Variants in PTPRD observed in about 807,000 individuals in gnomAD.
PTPRD encodes protein tyrosine phosphatase receptor type D, also known as receptor-type tyrosine-protein phosphatase delta.
A neutral mutation model predicts 214.5 loss-of-function variants in PTPRD; 34 were observed. The ratio of observed to expected loss-of-function variants is 0.16; its 90% confidence interval spans 0.12 to 0.21. The LOEUF (loss-of-function observed/expected upper bound fraction) is 0.21. Ranked by LOEUF, PTPRD falls within the 10% of genes least tolerant of loss-of-function variation. PTPRD has a pLI of 1.00. For synonymous variants in PTPRD, 1,128 were observed against 845.7 expected, an observed-to-expected ratio of 1.33 and a Z score of -5.79; for missense variants, 2,545 against 2,398.7, an observed-to-expected ratio of 1.06 and a Z score of -1.27.
At position 9,283,986 on chromosome 9, in the gene PTPRD, T is replaced by C. The variant is rs144625940; in HGVS notation, c.-202-100623A>G. Among the ~76,000 whole-genome samples the C allele has an allele frequency of 8.4e-4, 127 of 151,800 alleles. No individual in the cohort carries two copies. In the East Asian group the frequency reaches 0.019, roughly 22 times the overall value. On this transcript the variant is annotated intron_variant, in intron 9 of 45. Coordinates refer to ENST00000381196, the MANE Select transcript of PTPRD (RefSeq NM_002839.4). The stretch of plus-strand genomic sequence containing the variant: ...CAACCAGGTTTTGCATCTGGAAAAA[T>C]AACTCAACCACGTTATAATCTTCCT...
rs376451904 is a variant in PTPRD, at chr9:8,317,986, G to A, written c.5671-44C>T. The A allele has an allele frequency of 3.1e-5, 47 of 1,520,690 alleles. No homozygotes were observed. The African/African-American group carries it at 5.7e-4, about 18-fold the overall frequency. 94.2% of individuals were successfully genotyped at this position (1,520,690 alleles called of 1,614,324 possible). On this transcript the variant is annotated intron_variant, in intron 45 of 45. Transcript: ENST00000381196. Reference sequence around the variant, plus strand: ...GGGGAGAAGCAAAAGAAGGGACCATGAGCATATTTTAATAGAAAAATAAAA... The same window carrying A: ...GGGGAGAAGCAAAAGAAGGGACCATAAGCATATTTTAATAGAAAAATAAAA...
At chr9:9,341,919 C>T (rs2046960418) in intron 9 of PTPRD, among the ~76,000 whole-genome samples, 1 of 152,130 alleles carries the variant, frequency 6.6e-6, no homozygotes, top group Non-Finnish European at 1.5e-5. Context: ...AGTGATTCTC[C>T]TGCCTCAGCC....
intron 8 of PTPRD, among the ~76,000 whole-genome samples, chr9:9,537,220 A>G (rs558996478): frequency 6.6e-6 from 1 of 152,058 alleles, no homozygotes; most frequent in Non-Finnish European, 1.5e-5. Context: ...GGTGTATGAT[A>G]TAAATAAGAT....
At chr9:9,956,034 C>T (rs1482674260) in intron 4 of PTPRD, among the ~76,000 whole-genome samples, 1 of 151,946 alleles carries the variant, frequency 6.6e-6, no homozygotes, top group Admixed American at 6.6e-5. Flanking sequence ...GCAAATGTAC[C>T]AACCCACTAA....
chr9:9,138,502 T>C (rs1203180322), intron 10 of PTPRD, among the ~76,000 whole-genome samples: 1 of 152,192 alleles, frequency 6.6e-6, no homozygotes, highest in Non-Finnish European at 1.5e-5. Flanking sequence ...AATATGCTTC[T>C]GTAATTATTT....
At chr9:10,567,286 T>C (rs1298846015) in intron 2 of PTPRD, among the ~76,000 whole-genome samples, 3 of 152,134 alleles carry the variant, frequency 2.0e-5, no homozygotes, top group Admixed American at 2.0e-4. Context: ...ATGAAATACT[T>C]CTTAATGTGT....
intron 5 of PTPRD, among the ~76,000 whole-genome samples, chr9:9,789,953 T>A (rs368702790): frequency 3.9e-5 from 6 of 152,282 alleles, no homozygotes; most frequent in African/African-American, 1.4e-4. Flanking sequence ...AAACAGAGGT[T>A]AATCATTTGA....
chr9:8,911,952 C>G (rs932509310), intron 11 of PTPRD, among the ~76,000 whole-genome samples: 1 of 152,058 alleles, frequency 6.6e-6, no homozygotes, highest in African/African-American at 2.4e-5. Flanking sequence ...AACTGCAATG[C>G]GATACAACCC....
intron 2 of PTPRD, among the ~76,000 whole-genome samples, chr9:10,603,750 C>T (rs1433147807): frequency 6.6e-6 from 1 of 151,732 alleles, no homozygotes; most frequent in East Asian, 1.9e-4. Flanking sequence ...CTCAAGAACT[C>T]ATGAGGCAGT....
intron 2 of PTPRD, among the ~76,000 whole-genome samples, chr9:10,498,652 A>G (rs1008448973): frequency 6.6e-6 from 1 of 151,952 alleles, no homozygotes; most frequent in Non-Finnish European, 1.5e-5. Context: ...GAGACACAAA[A>G]AAAAGGTAAG....
chr9:8,968,995 T>C (rs1366070857), intron 11 of PTPRD, among the ~76,000 whole-genome samples: 1 of 152,020 alleles, frequency 6.6e-6, no homozygotes, highest in African/African-American at 2.4e-5. Flanking sequence ...AATTAGATTA[T>C]TAAGCAAGTC....
At chr9:8,787,118 G>C (rs999758733) in intron 11 of PTPRD, among the ~76,000 whole-genome samples, 7 of 152,088 alleles carry the variant, frequency 4.6e-5, no homozygotes, top group Admixed American at 2.6e-4. Context: ...TTACAGACAT[G>C]AGCCACTACG....
At chr9:10,211,418 C>T (rs1343027033) in intron 3 of PTPRD, among the ~76,000 whole-genome samples, 1 of 152,072 alleles carries the variant, frequency 6.6e-6, no homozygotes, top group African/African-American at 2.4e-5. Context: ...TAGATGGTCA[C>T]CTTGCACTAA....
intron 2 of PTPRD, among the ~76,000 whole-genome samples, chr9:10,465,096 G>A (rs2098984532): frequency 6.6e-6 from 1 of 152,106 alleles, no homozygotes; most frequent in South Asian, 2.1e-4. Flanking sequence ...AGAAAACACT[G>A]AGTGCCTTGG....
chr9:8,745,738 G>T (rs150974563), intron 11 of PTPRD, among the ~76,000 whole-genome samples: 1 of 151,832 alleles, frequency 6.6e-6, no homozygotes, highest in Non-Finnish European at 1.5e-5. Context: ...ACCACCTTAA[G>T]GTATACCTAT....
chr9:9,361,933 T>A (rs1159780263), intron 9 of PTPRD, among the ~76,000 whole-genome samples: 1 of 151,084 alleles, frequency 6.6e-6, no homozygotes, highest in African/African-American at 2.4e-5. Context: ...CCTGGGGTTT[T>A]TCTCATATAT....
At chr9:10,218,579 A>G (rs2099552054) in intron 3 of PTPRD, among the ~76,000 whole-genome samples, 1 of 151,886 alleles carries the variant, frequency 6.6e-6, no homozygotes, top group South Asian at 2.1e-4. Flanking sequence ...TCTAAGAGAT[A>G]CAGTGTATAC....
In PTPRD at chr9:10,046,531, CA is replaced by C. The variant is rs1361151890; in HGVS notation, c.-544-12742del. ...TCTAGGCACATGTCACTCTGAAAAA[CA>C]GAATGAAAAATATTAAAGATTATCA... is the stretch of plus-strand genomic sequence containing the variant. On this transcript the variant is annotated intron_variant, in intron 3 of 45. Coordinates refer to ENST00000381196, the MANE Select transcript of PTPRD (RefSeq NM_002839.4). Among the ~76,000 whole-genome samples the C allele has an allele frequency of 2.0e-5, 3 of 151,796 alleles. No homozygotes were observed. In the East Asian group the frequency reaches 5.8e-4, roughly 29 times the overall value.
chr9:8,558,839 G>A (rs148755767), intron 14 of PTPRD, among the ~76,000 whole-genome samples: 30 of 152,166 alleles, frequency 2.0e-4, no homozygotes, highest in African/African-American at 7.0e-4. Flanking sequence ...AAATAAAATG[G>A]TAATTGCCAC....
Sources: gnomAD v4.1 joint callset for allele counts (sites outside exome capture counted in the v4.1 genomes callset) on GRCh38, gnomAD v4.1.1 for gene constraint, MANE v1.5 for transcripts, NCBI Gene and HGNC (gene_info 2026-07-23, HGNC 2026-07-21) for gene names.